Variants in CDH18 observed in about 807,000 individuals in gnomAD.
The protein encoded by CDH18 is cadherin 18, also known as cadherin-18.
CDH18 carries 31 observed loss-of-function variants against 67.9 expected under a neutral mutation model. The observed-to-expected ratio is 0.46, with a 90% CI of 0.34 to 0.62. CDH18 has a LOEUF of 0.62. Ranked by LOEUF, CDH18 falls within the 20% of genes least tolerant of loss-of-function variation. The pLI is 0.01. For synonymous variants in CDH18, 362 were observed against 347.2 expected (o/e 1.04, Z -0.48); for missense variants, 890 against 975.5 (o/e 0.91, Z 1.17).
chr5:19,507,566 T>C (rs1744401906), intron 10 of CDH18, among the ~76,000 whole-genome samples: 1 of 152,266 alleles, frequency 6.6e-6, no homozygotes, highest in African/African-American at 2.4e-5. Flanking sequence ...CATGAAATAC[T>C]ATGCAGCCAT....
At chr5:19,747,334 C>T in intron 3 of CDH18, 98 bp from the exon 4 acceptor site, 3 of 978,256 alleles carry the variant, frequency 3.1e-6, no homozygotes, top group Non-Finnish European at 4.5e-6. Flanking sequence ...TTGGCTATGA[C>T]TTTTCTTCCC....
At chr5:20,075,600 A>T (rs912733130) in intron 2 of CDH18, among the ~76,000 whole-genome samples, 9 of 152,240 alleles carry the variant, frequency 5.9e-5, no homozygotes, top group Admixed American at 5.9e-4. Context: ...TTTACGTCAA[A>T]AAAGAAAATT....
intron 5 of CDH18, among the ~76,000 whole-genome samples, chr5:19,696,948 T>C (rs924458026): frequency 2.0e-5 from 3 of 152,190 alleles, no homozygotes; most frequent in Middle Eastern, 3.2e-3. Context: ...GTCTGCAATA[T>C]AACCATTTGT....
At chr5:20,118,070 A>G (rs1303192028) in intron 2 of CDH18, among the ~76,000 whole-genome samples, 1 of 152,214 alleles carries the variant, frequency 6.6e-6, no homozygotes, top group Non-Finnish European at 1.5e-5. Flanking sequence ...TCCCAGAAAG[A>G]ATCAACTTCT....
At chr5:20,243,839 G>A (rs1743174502) in intron 2 of CDH18, among the ~76,000 whole-genome samples, 1 of 152,020 alleles carries the variant, frequency 6.6e-6, no homozygotes. Flanking sequence ...CTCAAGGATT[G>A]GCACTTGGGA....
chr5:20,314,708 C>T (rs1192934383), intron 1 of CDH18, among the ~76,000 whole-genome samples: 1 of 151,950 alleles, frequency 6.6e-6, no homozygotes, highest in Non-Finnish European at 1.5e-5. Flanking sequence ...TTTTAAAAGC[C>T]TAAGTATACA....
At chr5:20,237,999 C>T (rs1286176126) in intron 2 of CDH18, among the ~76,000 whole-genome samples, 1 of 151,858 alleles carries the variant, frequency 6.6e-6, no homozygotes, top group Non-Finnish European at 1.5e-5. Flanking sequence ...TAAATAGGTG[C>T]AATTATATAT....
chr5:19,637,556 G>A (rs898170543), intron 5 of CDH18, among the ~76,000 whole-genome samples: 2 of 152,118 alleles, frequency 1.3e-5, no homozygotes, highest in Non-Finnish European at 2.9e-5. Context: ...TGGGCTTTAT[G>A]TTTGTCTCTG....
intron 1 of CDH18, among the ~76,000 whole-genome samples, chr5:20,475,410 T>C (rs1752367958): frequency 6.6e-6 from 1 of 152,138 alleles, no homozygotes; most frequent in Non-Finnish European, 1.5e-5. Context: ...TTTTGGTATT[T>C]ATAACAAGAG....
intron 3 of CDH18, among the ~76,000 whole-genome samples, chr5:19,823,553 C>T (rs965461710): frequency 3.3e-5 from 5 of 152,178 alleles, no homozygotes; most frequent in African/African-American, 9.7e-5. Context: ...TATACATGCA[C>T]TCAATATTGG....
chr5:20,549,053 G>A (rs536926770), intron 1 of CDH18, among the ~76,000 whole-genome samples: 1 of 152,116 alleles, frequency 6.6e-6, no homozygotes, highest in African/African-American at 2.4e-5. Context: ...AAGAAAAAAT[G>A]TCTCATGCTG....
At chr5:19,548,234 C>T (rs933124903) in intron 8 of CDH18, among the ~76,000 whole-genome samples, 1 of 150,858 alleles carries the variant, frequency 6.6e-6, no homozygotes, top group African/African-American at 2.4e-5. Flanking sequence ...AATCAAGTAA[C>T]GATTTGCCTA....
At chr5:20,492,087 T>G (rs1437297062) in intron 1 of CDH18, among the ~76,000 whole-genome samples, 1 of 152,134 alleles carries the variant, frequency 6.6e-6, no homozygotes, top group Non-Finnish European at 1.5e-5. Context: ...ACTTAATAAT[T>G]TTGATAAACA....
chr5:20,125,428 G>A (rs1476674677), intron 2 of CDH18, among the ~76,000 whole-genome samples: 1 of 152,058 alleles, frequency 6.6e-6, no homozygotes, highest in Non-Finnish European at 1.5e-5. Flanking sequence ...GTCATCCACT[G>A]TAGCATATTC....
chr5:19,822,033 C>T (rs574292001), intron 3 of CDH18, among the ~76,000 whole-genome samples: 56 of 152,196 alleles, frequency 3.7e-4, no homozygotes, highest in Admixed American at 1.7e-3. Flanking sequence ...GTGACAGACC[C>T]TTAAAAGTAA....
intron 1 of CDH18, among the ~76,000 whole-genome samples, chr5:20,413,633 TC>T (rs1385012912): frequency 6.6e-6 from 1 of 152,240 alleles, no homozygotes; most frequent in African/African-American, 2.4e-5. Context: ...TCTGTTGATA[TC>T]CTTTGCCCAC....
rs532006024 is a variant in CDH18 at position 20,277,927 on chromosome 5, T to G, written c.-579-22422A>C. On this transcript the variant is annotated intron_variant, in intron 1 of 14. Transcript: ENST00000507958. The stretch of plus-strand genomic sequence containing the variant: ...AGAACTGATCATGCAGAAGAAAGAA[T>G]AAGTGAGCTTGAAGACAGGTTATTT... Among the ~76,000 whole-genome samples the G allele has an allele frequency of 6.6e-5, 10 of 152,174 alleles. No individual in the cohort carries two copies. The East Asian group carries it at 1.5e-3, about 24-fold the overall frequency.
At chr5:20,034,453 A>G (rs965214346) in intron 2 of CDH18, among the ~76,000 whole-genome samples, 1 of 152,042 alleles carries the variant, frequency 6.6e-6, no homozygotes, top group Non-Finnish European at 1.5e-5. Flanking sequence ...CTGTGCCCAG[A>G]TATTTGGTTA....
intron 6 of CDH18, among the ~76,000 whole-genome samples, chr5:19,600,850 A>T (rs1186931565): frequency 1.3e-5 from 2 of 152,162 alleles, no homozygotes; most frequent in Non-Finnish European, 2.9e-5. Context: ...CTAAAAAAAC[A>T]AAGATGGGAC....
Sources: allele counts gnomAD v4.1 joint callset (sites outside exome capture counted in the v4.1 genomes callset), GRCh38; gene constraint gnomAD v4.1.1; transcripts MANE v1.5; gene names NCBI Gene and HGNC (gene_info 2026-07-23, HGNC 2026-07-21).